Variants in MTPN observed in about 807,000 individuals in gnomAD.
MTPN encodes myotrophin, also known as granule cell differentiation protein.
In MTPN, 2 loss-of-function variants were observed where a neutral mutation model predicts 13.5. That is an observed-to-expected ratio of 0.15 (90% CI 0.06 to 0.47). The LOEUF (loss-of-function observed/expected upper bound fraction) is 0.47. MTPN is among the 20% of genes least tolerant of loss of function. MTPN has a pLI of 0.97. For missense variants in MTPN, 79 were observed against 137.9 expected (o/e 0.57, Z 2.14); for synonymous variants, 46 against 51.7 (o/e 0.89, Z 0.48).
At chr7:135,969,238 T>TAAAAAAAAAAAAAAAAAAAA (rs57871609) in intron 1 of MTPN, among the ~76,000 whole-genome samples, 2 of 109,106 alleles carry the variant, frequency 1.8e-5, no homozygotes, top group Admixed American at 9.8e-5. Flanking sequence ...TAAAGTATAA[T>TAAAAAAAAAAAAAAAAAAAA]AAAAAAAAAA....
intron 3 of MTPN, among the ~76,000 whole-genome samples, chr7:135,939,529 C>T (rs1013296738): frequency 3.8e-5 from 5 of 131,904 alleles, no homozygotes; most frequent in Non-Finnish European, 4.6e-5. Context: ...CAATGCCTGG[C>T]GGTTCAGTAG....
intron 3 of MTPN, among the ~76,000 whole-genome samples, chr7:135,939,508 G>A (rs1274724194): frequency 7.0e-6 from 1 of 142,920 alleles, no homozygotes; most frequent in Non-Finnish European, 1.5e-5. Context: ...TCTTCCTGTT[G>A]TCAACAGACA....
chr7:135,944,571 G>C (rs1799261059), intron 3 of MTPN, among the ~76,000 whole-genome samples: 1 of 151,982 alleles, frequency 6.6e-6, no homozygotes, highest in Non-Finnish European at 1.5e-5. Flanking sequence ...GGCTGAGGCA[G>C]GAGAAGTGCC....
chr7:135,939,290 T>A (rs1799163564), intron 3 of MTPN, among the ~76,000 whole-genome samples: 1 of 152,140 alleles, frequency 6.6e-6, no homozygotes, highest in Admixed American at 6.5e-5. Context: ...AGATTCTCTG[T>A]GAAGCCTGCT....
At chr7:135,973,163 G>A (rs565652025) in intron 1 of MTPN, among the ~76,000 whole-genome samples, 2 of 150,294 alleles carry the variant, frequency 1.3e-5, no homozygotes, top group South Asian at 2.1e-4. Flanking sequence ...TCATGTTATT[G>A]AGAGATCCCT....
chr7:135,972,790 T>C, intron 1 of MTPN, among the ~76,000 whole-genome samples: 1 of 152,046 alleles, frequency 6.6e-6, no homozygotes. Context: ...GATTTCTCAT[T>C]GCTTATTTTA....
At chr7:135,934,923 C>T (rs1338285974) in intron 3 of MTPN, among the ~76,000 whole-genome samples, 1 of 152,180 alleles carries the variant, frequency 6.6e-6, no homozygotes, top group Non-Finnish European at 1.5e-5. Flanking sequence ...CTAATCATCT[C>T]ATCCATGTCC....
At position 135,977,056 on chromosome 7, in the gene MTPN, C is replaced by G. The variant is rs770017038; in HGVS notation, c.45G>C (p.Leu15Phe). ...EFMWALKNGD[L>F]DEVKDYVAKG... ...TGGCCACATAGTCTTTCACCTCATC[C>G]AAGTCTCCGTTTTTCAGGGCCCACA... The change falls in exon 1 of 4, where the codon TTG (leucine) becomes TTC (phenylalanine). Residue 15 changes from leucine to phenylalanine, a missense_variant. By Grantham distance (22) the Leu-to-Phe change is conservative. Coordinates refer to ENST00000393085, the MANE Select transcript of MTPN (RefSeq NM_145808.4). 6.2e-7 allele frequency: 1 copy of G among 1,614,158 alleles called. No individual in the cohort carries two copies.
intron 1 of MTPN, among the ~76,000 whole-genome samples, chr7:135,966,315 T>C (rs775251830): frequency 2.6e-5 from 4 of 152,074 alleles, no homozygotes; most frequent in South Asian, 4.1e-4. Context: ...TAGCCTACCA[T>C]TGGGCAAAAA....
At chr7:135,946,955 A>T (rs1169353862) in intron 3 of MTPN, among the ~76,000 whole-genome samples, 1 of 152,036 alleles carries the variant, frequency 6.6e-6, no homozygotes, top group African/African-American at 2.4e-5. Flanking sequence ...ATGCTTCTTG[A>T]GCCTGCATTA....
chr7:135,941,087 GT>G (rs763646010), intron 3 of MTPN, among the ~76,000 whole-genome samples: 14 of 152,284 alleles, frequency 9.2e-5, no homozygotes, highest in Non-Finnish European at 1.3e-4. Context: ...AACAGAAAAT[GT>G]TTACTACCTG....
chr7:135,937,325 A>G (rs1799130016), intron 3 of MTPN, among the ~76,000 whole-genome samples: 1 of 151,986 alleles, frequency 6.6e-6, no homozygotes, highest in Non-Finnish European at 1.5e-5. Context: ...TCAGGCAAAA[A>G]ATTAGCACTT....
At chr7:135,956,585 G>A (rs1799447109) in intron 1 of MTPN, among the ~76,000 whole-genome samples, 1 of 152,074 alleles carries the variant, frequency 6.6e-6, no homozygotes, top group East Asian at 1.9e-4. Context: ...TCTTTATACA[G>A]AGGACATGAT....
At chr7:135,941,078 AC>A (rs1165428130) in intron 3 of MTPN, among the ~76,000 whole-genome samples, 1 of 152,184 alleles carries the variant, frequency 6.6e-6, no homozygotes, top group Non-Finnish European at 1.5e-5. Context: ...CTGGCCCTTA[AC>A]AGAAAATGTT....
chr7:135,971,122 T>G (rs904288661), intron 1 of MTPN, among the ~76,000 whole-genome samples: 1 of 152,152 alleles, frequency 6.6e-6, no homozygotes, highest in African/African-American at 2.4e-5. Context: ...TCCTTTCACA[T>G]GGTGCACAAT....
intron 2 of MTPN, 79 bp downstream of exon 2, chr7:135,951,437 AT>A: frequency 1.4e-6 from 1 of 721,868 alleles, no homozygotes; most frequent in Non-Finnish European, 2.1e-6. Context: ...ACAAATAGCT[AT>A]TTTATAATCT....
chr7:135,969,088 T>TGG (rs71174565), intron 1 of MTPN, among the ~76,000 whole-genome samples: 922 of 33,538 alleles, frequency 0.027, 19 homozygotes, highest in African/African-American at 0.062. Context: ...TGTTGTGGGG[T>TGG]GGGGGGGGGG....
intron 2 of MTPN, among the ~76,000 whole-genome samples, chr7:135,951,314 C>T (rs549675986): frequency 7.9e-5 from 12 of 152,250 alleles, no homozygotes; most frequent in South Asian, 6.2e-4. Flanking sequence ...TTTTTGTCAG[C>T]TTAAAAAAGT....
At chr7:135,946,368 C>T (rs908022857) in intron 3 of MTPN, among the ~76,000 whole-genome samples, 2 of 152,228 alleles carry the variant, frequency 1.3e-5, no homozygotes, top group Admixed American at 6.5e-5. Context: ...GAAGGATACA[C>T]ACTCACCTTG....
Sources: gnomAD v4.1 joint callset for allele counts (sites outside exome capture counted in the v4.1 genomes callset) on GRCh38, gnomAD v4.1.1 for gene constraint, MANE v1.5 for transcripts, NCBI Gene and HGNC (gene_info 2026-07-23, HGNC 2026-07-21) for gene names.